The following KRT1 variants were observed in gnomAD, a reference collection of about 807,000 sequenced individuals.
KRT1 encodes keratin 1.
A neutral mutation model predicts 51.6 loss-of-function variants in KRT1; 28 were observed. The ratio of observed to expected loss-of-function variants is 0.54; its 90% CI spans 0.40 to 0.74. The LOEUF is 0.74. Ranked by LOEUF, KRT1 falls within the 30% of genes least tolerant of loss-of-function variation. The pLI, the probability that KRT1 is intolerant of heterozygous loss-of-function variation, is 0.00. For synonymous variants in KRT1, 301 were observed against 307.7 expected, an observed-to-expected ratio of 0.98 and a Z score of 0.23; for missense variants, 783 against 815.5, an observed-to-expected ratio of 0.96 and a Z score of 0.49.
chr12:52,676,647 A>G (rs1419252223), intron 6 of KRT1, 152 bp from the exon 7 acceptor site: 1 of 772,628 alleles, frequency 1.3e-6, no homozygotes, highest in East Asian at 2.7e-5. Context: ...ATAACACATC[A>G]CCATGTTGAC....
rs2120995854 is a variant in KRT1 at position 52,675,134 on chromosome 12, A to G, written c.*59T>C. 6.2e-7 allele frequency: 1 copy of G among 1,604,456 alleles called. No individual in the cohort carries two copies. The highest frequency in any genetic ancestry group is 1.1e-5 in the South Asian group (1 of 90,854). On this transcript the variant is annotated 3_prime_UTR_variant, in exon 9 of 9. Coordinates refer to ENST00000252244, the MANE Select transcript of KRT1 (RefSeq NM_006121.4). ...GGACAAATCGACCTCGGTCTTGCCA[A>G]GCATATTTGTTAGTGATGCTGGGGG... is the stretch of plus-strand genomic sequence containing the variant.
Position 52,680,178 on chromosome 12 carries a change from A to T in KRT1, c.171T>A (p.Gly57=). 6.2e-7 allele frequency: 1 copy of T among 1,612,442 alleles called. No individual in the cohort carries two copies. ...TCCGACTTCCAAATCCACCACCAGC[A>T]CCAAAGCTACCACCACCACCACCAC... The part of the protein sequence containing the change: ...SSCGGGGGSF[G]AGGGFGSRSL... The change falls in exon 1 of 9, where the codon GGT becomes GGA. Residue 57 remains glycine, a synonymous_variant. Coordinates refer to ENST00000252244, the MANE Select transcript of KRT1 (RefSeq NM_006121.4).
chr12:52,676,546 C>T (rs1234074360), intron 6 of KRT1, 51 bp from the exon 7 acceptor site: 3 of 1,583,130 alleles, frequency 1.9e-6, no homozygotes, highest in Admixed American at 1.7e-5. Context: ...CACTAGGCCT[C>T]CTCATCCCAA....
In KRT1 at chr12:52,680,376, G is replaced by A; in HGVS notation, c.-28C>T. On this transcript the variant is annotated 5_prime_UTR_variant, in exon 1 of 9. Transcript: ENST00000252244. ...TGACTTAGAGAAAAGTAGGAGCAAG[G>A]TAGAGTAAGGGAAGGAGCTAAACAC... is the stretch of plus-strand genomic sequence containing the variant. The A allele has an allele frequency of 1.3e-6, 2 of 1,596,152 alleles. No homozygotes were observed. Among genetic ancestry groups the A allele is most frequent in the Non-Finnish European group, 1.7e-6 (2 of 1,164,998 alleles).
Position 52,678,653 on chromosome 12 carries a change from T to C in KRT1, c.695A>G (p.Glu232Gly). The change falls in exon 2 of 9, where the codon GAG becomes GGG. Residue 232 changes from glutamate to glycine, a missense_variant. By Grantham distance (98) the Glu-to-Gly change is moderately conservative. Coordinates refer to ENST00000252244, the MANE Select transcript of KRT1 (RefSeq NM_006121.4). ...TRTHNLEPYF[E>G]SFINNLRRRV... ...CCTTCGGAGATTGTTGATGAATGAC[T>C]CAAAGTAGGGCTCTAAATTATGGGT... 1 of 1,614,206 alleles carries C rather than the reference T, an allele frequency of 6.2e-7. No homozygotes were observed. Among genetic ancestry groups the C allele is most frequent in the East Asian group, 2.2e-5 (1 of 44,888 alleles).
chr12:52,676,640 A>G, intron 6 of KRT1, 145 bp from the exon 7 acceptor site: 1 of 784,728 alleles, frequency 1.3e-6, no homozygotes, highest in East Asian at 2.7e-5. Context: ...CCTCCAGATA[A>G]CACATCACCA....
chr12:52,677,067 T>G lies in KRT1; in HGVS notation c.1246A>C (p.Lys416Gln). 6.2e-7 allele frequency: 1 copy of G among 1,613,392 alleles called. No individual in the cohort carries two copies. The highest frequency in any genetic ancestry group is 1.1e-5 in the South Asian group (1 of 91,086). Residue 416 changes from lysine (K) to glutamine (Q), a missense_variant, in exon 6 of 9, where the codon AAG becomes CAG. By Grantham distance (53) the Lys-to-Gln change is moderately conservative. Coordinates refer to ENST00000252244, the MANE Select transcript of KRT1 (RefSeq NM_006121.4). ...QRLRSEIDNV[K>Q]KQISNLQQSI... is the part of the protein sequence containing the mutation. ...AAGGAGAAAGCACATACCTGCTTCT[T>G]GACATTGTCGATTTCAGATCTAAGT... is the stretch of plus-strand genomic sequence containing the variant.
rs1484913125 is a variant in KRT1 at position 52,677,724 on chromosome 12, T to A, written c.889A>T (p.Thr297Ser). 1 of 1,613,996 alleles carries A rather than the reference T, an allele frequency of 6.2e-7. No homozygotes were observed. The highest frequency in any genetic ancestry group is 8.5e-7 in the Non-Finnish European group (1 of 1,180,010). The change falls in exon 4 of 9, where the codon ACC becomes TCC. Residue 297 changes from threonine to serine, a missense_variant. Coordinates refer to ENST00000252244, the MANE Select transcript of KRT1 (RefSeq NM_006121.4). Reference protein sequence around the residue: ...IKKDVDGAYMTKVDLQAKLDN... With the variant: ...IKKDVDGAYMSKVDLQAKLDN... ...AGTTTGGCCTGAAGGTCCACCTTGG[T>A]CATATAAGCACCATCCACATCCTAG...
chr12:52,676,389 G>T lies in KRT1; in HGVS notation c.1361C>A (p.Ala454Asp). 1 of 1,614,094 alleles carries T rather than the reference G, an allele frequency of 6.2e-7. No individual in the cohort carries two copies. The highest frequency in any genetic ancestry group is 8.5e-7 in the Non-Finnish European group (1 of 1,179,976). The change falls in exon 7 of 9, where the codon GCC (alanine) becomes GAC (aspartate). Residue 454 changes from alanine (A) to aspartate (D), a missense_variant. Coordinates refer to ENST00000252244, the MANE Select transcript of KRT1 (RefSeq NM_006121.4). Reference protein sequence around the residue: ...LNDLEDALQQAKEDLARLLRD... With the variant: ...LNDLEDALQQDKEDLARLLRD... ...CAGCAGGCGGGCCAGGTCTTCCTTG[G>T]CCTGCTGCAGGGCATCCTCCAGGTC...
Position 52,676,295 on chromosome 12 carries a change from G to A in KRT1, c.1455C>T (p.Leu485=). Residue 485 remains leucine (L), a synonymous_variant, in exon 7 of 9, where the codon CTC becomes CTT. Transcript: ENST00000252244. ...CTCACCTGCTTTCTTCTCCCTCCAG[G>A]AGGGTCCTGTAGGTGGCAATCTCCA... ...LDLEIATYRT[L]LEGEESRMSG... is the part of the protein sequence containing the mutation. 1 of 1,614,090 alleles carries A rather than the reference G, an allele frequency of 6.2e-7. No homozygotes were observed. The highest frequency in any genetic ancestry group is 8.5e-7 in the Non-Finnish European group (1 of 1,179,996).
intron 7 of KRT1, 48 bp downstream of exon 7, chr12:52,676,227 G>A (rs1340210390): frequency 6.8e-7 from 1 of 1,463,748 alleles, no homozygotes. Flanking sequence ...AGCTTGCAAG[G>A]AAGGAAGACC....
Position 52,677,071 on chromosome 12 carries a change from A to G in KRT1, c.1242T>C (p.Asn414=). 6.2e-7 allele frequency: 1 copy of G among 1,613,556 alleles called. No individual in the cohort carries two copies. The highest frequency in any genetic ancestry group is 8.5e-7 in the Non-Finnish European group (1 of 1,180,036). ...AGAAAGCACATACCTGCTTCTTGACATTGTCGATTTCAGATCTAAGTCTCT... is the reference window on the plus strand; with the variant it reads ...AGAAAGCACATACCTGCTTCTTGACGTTGTCGATTTCAGATCTAAGTCTCT... ...VIQRLRSEID[N]VKKQISNLQQ... The change falls in exon 6 of 9, where the codon AAT becomes AAC. Residue 414 remains asparagine (N), a synonymous_variant. Transcript: ENST00000252244.
Position 52,675,508 on chromosome 12 carries a change from A to G in KRT1, c.1620T>C (p.Gly540=), listed in dbSNP as rs750650700. ...SSYGSGGGSY[G]SGGGGGGGRG... ...GGCCGCCGCCGCCGCCACCTCCAGAACCATAGCTACCACCTCCGGAGCCAT... is the reference window on the plus strand; with the variant it reads ...GGCCGCCGCCGCCGCCACCTCCAGAGCCATAGCTACCACCTCCGGAGCCAT... The change falls in exon 9 of 9, where the codon GGT becomes GGC. Residue 540 remains glycine (G), a synonymous_variant. Transcript: ENST00000252244. 3 of 1,553,364 alleles carry G rather than the reference A, an allele frequency of 1.9e-6. No individual in the cohort carries two copies. Among genetic ancestry groups the G allele is most frequent in the Non-Finnish European group, 2.6e-6 (3 of 1,134,484 alleles).
Position 52,675,995 on chromosome 12 carries a change from C to T in KRT1, c.1476-251G>A, listed in dbSNP as rs544960237. 1.7e-3 allele frequency among the ~76,000 whole-genome samples: 266 copies of T among 152,258 alleles called. No homozygotes were observed. The highest frequency in any genetic ancestry group is 3.4e-3 in the Middle Eastern group (1 of 294). ...CAATGAAGGCCCCCTCTAAAGATGC[C>T]GACTTTAGGCCAGCTGCCATCTGAG... is the stretch of plus-strand genomic sequence containing the variant. On this transcript the variant is annotated intron_variant, in intron 7 of 8. Coordinates refer to ENST00000252244, the MANE Select transcript of KRT1 (RefSeq NM_006121.4).
chr12:52,678,269 C>A, intron 2 of KRT1, 46 bp from the exon 3 acceptor site: 1 of 1,594,018 alleles, frequency 6.3e-7, no homozygotes, highest in Non-Finnish European at 8.6e-7. Context: ...GTGGTAAGAC[C>A]TGAAGTCCAG....
rs527241748 is a variant in KRT1, at chr12:52,680,016, TCCACCAAAGCCACCA to T, written c.318_332del (p.Phe109_Gly113del). On this transcript the variant is annotated inframe_deletion, in exon 1 of 9. Coordinates refer to ENST00000252244, the MANE Select transcript of KRT1 (RefSeq NM_006121.4). The stretch of plus-strand genomic sequence containing the variant: ...CAAAGCCACCACCCCCAATGCCACC[TCCACCAAAGCCACCA>T]CCACCAAAGCCACCACCACCAAAGC... 2.2e-3 allele frequency: 3,383 copies of T among 1,550,280 alleles called. 9 individuals carry two copies. The highest frequency in any genetic ancestry group is 7.7e-3 in the East Asian group (317 of 41,298).
chr12:52,677,610 T>G (rs774722752), intron 4 of KRT1, 40 bp downstream of exon 4: 34 of 1,607,914 alleles, frequency 2.1e-5, no homozygotes, highest in Non-Finnish European at 2.7e-5. Context: ...GCTTAAAAAC[T>G]CTCCATTTAG....
In KRT1 at chr12:52,675,759, A is replaced by G; in HGVS notation, c.1476-15T>C. 2.5e-6 allele frequency: 4 copies of G among 1,614,006 alleles called. No homozygotes were observed. Among genetic ancestry groups the G allele is most frequent in the Non-Finnish European group, 3.4e-6 (4 of 1,180,020 alleles). On this transcript the variant is annotated splice_polypyrimidine_tract_variant and intron_variant, in intron 7 of 8. Coordinates refer to ENST00000252244, the MANE Select transcript of KRT1 (RefSeq NM_006121.4). ...CTCCAGACATCCTGTAGGAGAAAAT[A>G]AGAAAATTCCTCAGGACACTCCAGC...
At position 52,677,422 on chromosome 12, in the gene KRT1, T is replaced by G; in HGVS notation, c.1022A>C (p.Asn341Thr). ...GCTGTCCAGGTCGAGACTGCGGTTG[T>G]TGTCCATAGAGAGGATGACATTAGT... is the stretch of plus-strand genomic sequence containing the variant. ...SETNVILSMD[N>T]NRSLDLDSII... The change falls in exon 5 of 9, where the codon AAC (asparagine) becomes ACC (threonine). Residue 341 changes from asparagine (N) to threonine (T), a missense_variant. Asn to Thr is a moderately conservative substitution (Grantham distance 65). Transcript: ENST00000252244. 6.2e-7 allele frequency: 1 copy of G among 1,614,248 alleles called. No homozygotes were observed. Among genetic ancestry groups the G allele is most frequent in the Non-Finnish European group, 8.5e-7 (1 of 1,180,048 alleles).
Sources: allele counts gnomAD v4.1 joint callset (sites outside exome capture counted in the v4.1 genomes callset), GRCh38; gene constraint gnomAD v4.1.1; transcripts MANE v1.5; gene names NCBI Gene and HGNC (gene_info 2026-07-23, HGNC 2026-07-21).